Variants in INSYN2B observed in about 807,000 individuals in gnomAD.
The protein encoded by INSYN2B is inhibitory synaptic factor family member 2B, also known as protein INSYN2B.
A neutral mutation model predicts 41.2 loss-of-function variants in INSYN2B; 16 were observed. The observed-to-expected ratio is 0.39, with a 90% CI of 0.26 to 0.59. The LOEUF (loss-of-function observed/expected upper bound fraction) is 0.59. INSYN2B is among the 20% of genes least tolerant of loss of function. The probability of loss-of-function intolerance (pLI) is 0.57; values close to 1 mark genes in which losing one functional copy is unlikely to be tolerated. For synonymous variants in INSYN2B, 245 were observed against 244.4 expected (o/e 1.00, Z -0.02); for missense variants, 608 against 646.4 (o/e 0.94, Z 0.64).
At chr5:169,902,025 A>G (rs181931227) in intron 1 of INSYN2B, among the ~76,000 whole-genome samples, 8 of 152,336 alleles carry the variant, frequency 5.3e-5, no homozygotes, top group Non-Finnish European at 1.0e-4. Context: ...CAGATGCCCA[A>G]TCAGTCAAAC....
chr5:169,869,800 C>A (rs1159112841), intron 3 of INSYN2B, among the ~76,000 whole-genome samples: 2 of 152,210 alleles, frequency 1.3e-5, no homozygotes, highest in African/African-American at 4.8e-5. Context: ...AAATAGCACA[C>A]CAATAACTTT....
intron 1 of INSYN2B, among the ~76,000 whole-genome samples, chr5:169,894,484 A>C (rs534574461): frequency 1.3e-5 from 2 of 152,316 alleles, no homozygotes; most frequent in South Asian, 4.1e-4. Context: ...ACAGCAAAGC[A>C]TTGGCAGGCA....
intron 1 of INSYN2B, among the ~76,000 whole-genome samples, chr5:169,943,419 CTT>C (rs1271726614): frequency 6.6e-6 from 1 of 152,020 alleles, no homozygotes; most frequent in Admixed American, 6.6e-5. Context: ...ATGGCCCAGA[CTT>C]TTAAAAAATG....
At chr5:169,960,776 A>G (rs1201341654) in intron 1 of INSYN2B, among the ~76,000 whole-genome samples, 2 of 152,228 alleles carry the variant, frequency 1.3e-5, no homozygotes, top group Admixed American at 1.3e-4. Context: ...ATCCACAGAT[A>G]AATAATTCAT....
At chr5:169,897,053 A>C (rs75044823) in intron 1 of INSYN2B, among the ~76,000 whole-genome samples, 8,768 of 152,274 alleles carry the variant, frequency 0.058, 323 homozygotes, top group Non-Finnish European at 0.083. Flanking sequence ...TGTAGCCTTG[A>C]ACTCTAAGAG....
intron 1 of INSYN2B, among the ~76,000 whole-genome samples, chr5:169,927,240 G>A (rs779875108): frequency 6.6e-6 from 1 of 152,192 alleles, no homozygotes; most frequent in Non-Finnish European, 1.5e-5. Flanking sequence ...AGCTTCAGAT[G>A]AATTCGGAGA....
intron 1 of INSYN2B, among the ~76,000 whole-genome samples, chr5:169,941,922 C>T (rs1776260417): frequency 6.6e-6 from 1 of 152,162 alleles, no homozygotes; most frequent in Non-Finnish European, 1.5e-5. Flanking sequence ...ATGTCAAGTC[C>T]CATCCTTTCT....
chr5:169,886,530 A>G (rs1475546691), intron 1 of INSYN2B, among the ~76,000 whole-genome samples: 1 of 152,212 alleles, frequency 6.6e-6, no homozygotes, highest in Non-Finnish European at 1.5e-5. Context: ...TCAGTACCCA[A>G]TTCCCTAGTC....
chr5:169,890,561 G>A (rs1773223290), intron 1 of INSYN2B, among the ~76,000 whole-genome samples: 1 of 152,098 alleles, frequency 6.6e-6, no homozygotes, highest in African/African-American at 2.4e-5. Flanking sequence ...AGCTTTCTCA[G>A]TAAGGAAAAG....
At chr5:169,891,614 G>A (rs534003258) in intron 1 of INSYN2B, among the ~76,000 whole-genome samples, 78 of 152,096 alleles carry the variant, frequency 5.1e-4, no homozygotes, top group African/African-American at 1.8e-3. Context: ...TAAAAACCAC[G>A]AAGACAACCC....
At chr5:169,916,159 C>G (rs896302460) in intron 1 of INSYN2B, among the ~76,000 whole-genome samples, 16 of 152,198 alleles carry the variant, frequency 1.1e-4, no homozygotes, top group African/African-American at 3.6e-4. Flanking sequence ...CGGGCAGAAG[C>G]AGAAGCTGCT....
chr5:169,929,029 A>G (rs1298887843), intron 1 of INSYN2B, among the ~76,000 whole-genome samples: 1 of 152,196 alleles, frequency 6.6e-6, no homozygotes, highest in East Asian at 1.9e-4. Context: ...TTGTGCCCTG[A>G]GAAGAGCAGA....
In INSYN2B at chr5:169,864,255, G is replaced by A. The variant is rs1425819298; in HGVS notation, c.*18C>T. Reference sequence around the variant, plus strand: ...GAAGTGCGTGGAGTTGGGGGGCTGGGGGATGGTCCCAACCAGCTCAGATCC... The same window carrying A: ...GAAGTGCGTGGAGTTGGGGGGCTGGAGGATGGTCCCAACCAGCTCAGATCC... On this transcript the variant is annotated 3_prime_UTR_variant, in exon 4 of 4. Coordinates refer to ENST00000377365, the MANE Select transcript of INSYN2B (RefSeq NM_001129891.3). 6 of 1,549,294 alleles carry A rather than the reference G, an allele frequency of 3.9e-6. No individual in the cohort carries two copies. Among genetic ancestry groups the A allele is most frequent in the East Asian group, 2.4e-5 (1 of 40,918 alleles).
intron 1 of INSYN2B, among the ~76,000 whole-genome samples, chr5:169,926,736 G>A (rs1170449543): frequency 6.6e-6 from 1 of 152,226 alleles, no homozygotes; most frequent in Non-Finnish European, 1.5e-5. Flanking sequence ...TTGTGACTCT[G>A]TAACTAGAGG....
chr5:169,887,983 G>C (rs192567197), intron 1 of INSYN2B, among the ~76,000 whole-genome samples: 2 of 152,304 alleles, frequency 1.3e-5, no homozygotes, highest in East Asian at 3.9e-4. Flanking sequence ...GAATTTATAT[G>C]AGTGGACATT....
At chr5:169,895,651 C>T (rs1352836165) in intron 1 of INSYN2B, among the ~76,000 whole-genome samples, 1 of 152,080 alleles carries the variant, frequency 6.6e-6, no homozygotes, top group African/African-American at 2.4e-5. Flanking sequence ...TAACCACAGC[C>T]CCCGAGAGCA....
chr5:169,940,898 G>T (rs1307097825), intron 1 of INSYN2B, among the ~76,000 whole-genome samples: 1 of 152,228 alleles, frequency 6.6e-6, no homozygotes, highest in East Asian at 1.9e-4. Context: ...GGTAAGGCCA[G>T]GAATGCTGCT....
At chr5:169,881,337 T>G (rs1772634943) in intron 3 of INSYN2B, 31 bp downstream of exon 3, 1 of 1,541,568 alleles carries the variant, frequency 6.5e-7, no homozygotes, top group Non-Finnish European at 8.8e-7. Context: ...CTTTATGGTC[T>G]ACAGAGCAGG....
chr5:169,967,252 A>T (rs1318939094), intron 1 of INSYN2B, among the ~76,000 whole-genome samples: 2 of 152,244 alleles, frequency 1.3e-5, no homozygotes, highest in Admixed American at 6.5e-5. Flanking sequence ...TGGTGGAGAG[A>T]ATCCCAGAAG....
Sources: gnomAD v4.1 joint callset for allele counts (sites outside exome capture counted in the v4.1 genomes callset) on GRCh38, gnomAD v4.1.1 for gene constraint, MANE v1.5 for transcripts, NCBI Gene and HGNC (gene_info 2026-07-23, HGNC 2026-07-21) for gene names.